The following TRPC1 variants were observed in gnomAD, a reference collection of about 807,000 sequenced individuals.
TRPC1 encodes the protein short transient receptor potential channel 1.
TRPC1 carries 42 observed loss-of-function variants against 88.2 expected under a neutral mutation model. The observed-to-expected ratio is 0.48, with a 90% CI of 0.37 to 0.62. TRPC1 has a LOEUF of 0.62. Ranked by LOEUF, TRPC1 falls within the 20% of genes least tolerant of loss-of-function variation. TRPC1 has a pLI of 0.00. For synonymous variants in TRPC1, 288 were observed against 331.8 expected (o/e 0.87, Z 1.43); for missense variants, 699 against 957.3 (o/e 0.73, Z 3.56).
At position 142,724,802 on chromosome 3, in the gene TRPC1, A is replaced by G; in HGVS notation, c.172+71A>G. ...ACCTTTAGTCCTCTCCCCCGCCTCA[A>G]CTTATATCGGGGCATTCCCTCTGTC... On this transcript the variant is annotated intron_variant, in intron 1 of 12. Transcript: ENST00000476941. This position sits in a 1 kb window ranked among gnomAD's most constrained non-coding sequence, Gnocchi z 5.6. 7 of 1,428,718 alleles carry G rather than the reference A, an allele frequency of 4.9e-6. No individual in the cohort carries two copies. Among genetic ancestry groups the G allele is most frequent in the Admixed American group, 2.5e-5 (1 of 39,332 alleles). The allele number at this position is 1,428,718 out of a possible 1,614,324, so 88.5% of individuals were successfully genotyped here.
rs761306009 is a variant in TRPC1, at chr3:142,803,970, T to C, written c.1758-7T>C. ...CCTTTTAAACAGAAATGCAATTGTC[T>C]TTACAGGTTCATTGGCACCTGCTTT... On this transcript the variant is annotated splice_region_variant and splice_polypyrimidine_tract_variant and intron_variant, in intron 10 of 12. Coordinates refer to ENST00000476941, the MANE Select transcript of TRPC1 (RefSeq NM_001251845.2). The C allele has an allele frequency of 6.2e-7, 1 of 1,612,966 alleles. No homozygotes were observed.
chr3:142,759,659 C>T (rs1935111261), intron 4 of TRPC1, among the ~76,000 whole-genome samples: 1 of 152,142 alleles, frequency 6.6e-6, no homozygotes, highest in African/African-American at 2.4e-5. Flanking sequence ...GTTGTAGTTT[C>T]TTTTGCTGTG....
chr3:142,790,358 TGGGATTTAA>T (rs1433842798), intron 7 of TRPC1, among the ~76,000 whole-genome samples: 1 of 152,048 alleles, frequency 6.6e-6, no homozygotes, highest in Non-Finnish European at 1.5e-5. Flanking sequence ...CTGAGTAAAA[TGGGATTTAA>T]GGGAGGGTGC....
At chr3:142,757,495 G>C (rs1457485249) in intron 4 of TRPC1, among the ~76,000 whole-genome samples, 4 of 152,204 alleles carry the variant, frequency 2.6e-5, no homozygotes, top group Non-Finnish European at 1.5e-5. Context: ...CATGTCCTTT[G>C]TGGGGACATG....
intron 4 of TRPC1, 91 bp from the exon 5 acceptor site, chr3:142,777,541 T>A: frequency 1.3e-6 from 1 of 768,230 alleles, no homozygotes; most frequent in Non-Finnish European, 1.8e-6. Context: ...TTTATAATAT[T>A]TTAAGTATAC....
chr3:142,771,780 C>T (rs1260349617), intron 4 of TRPC1, among the ~76,000 whole-genome samples: 1 of 152,054 alleles, frequency 6.6e-6, no homozygotes, highest in African/African-American at 2.4e-5. Context: ...AAATATTATT[C>T]TATATAATTG....
At chr3:142,773,581 GT>G (rs74269488) in intron 4 of TRPC1, among the ~76,000 whole-genome samples, 22,386 of 132,258 alleles carry the variant, frequency 0.17, 1,926 homozygotes, top group Non-Finnish European at 0.21. Context: ...TCTGCAGGCA[GT>G]TTTTTTTTTT....
intron 9 of TRPC1, among the ~76,000 whole-genome samples, chr3:142,795,717 T>C (rs1322984087): frequency 6.6e-6 from 1 of 152,072 alleles, no homozygotes; most frequent in African/African-American, 2.4e-5. Context: ...GGAACGTTAA[T>C]AGAAGTCCTT....
At position 142,780,823 on chromosome 3, in the gene TRPC1, G is replaced by C. The variant is rs762220641; in HGVS notation, c.765-11G>C. Reference sequence around the variant, plus strand: ...ACGACGTTTCTGATAATAGAATGCTGCATTTTATAGGAATGATTATGAGGA... The same window carrying C: ...ACGACGTTTCTGATAATAGAATGCTCCATTTTATAGGAATGATTATGAGGA... On this transcript the variant is annotated splice_polypyrimidine_tract_variant and intron_variant, in intron 5 of 12. Transcript: ENST00000476941. 1.3e-6 allele frequency: 2 copies of C among 1,585,802 alleles called. No individual in the cohort carries two copies. The highest frequency in any genetic ancestry group is 2.3e-5 in the East Asian group (1 of 44,164).
chr3:142,741,453 T>C (rs1934346386), intron 2 of TRPC1, among the ~76,000 whole-genome samples: 1 of 152,238 alleles, frequency 6.6e-6, no homozygotes, highest in Non-Finnish European at 1.5e-5. Context: ...GTAATTATTT[T>C]ACTTTGCTTC....
chr3:142,744,008 C>G (rs1022564188), intron 3 of TRPC1, among the ~76,000 whole-genome samples: 3 of 151,996 alleles, frequency 2.0e-5, no homozygotes, highest in Admixed American at 2.0e-4. Context: ...ACAGTTTTTG[C>G]TGTTAAAAAA....
intron 3 of TRPC1, among the ~76,000 whole-genome samples, chr3:142,744,780 T>C (rs1183187808): frequency 1.3e-5 from 2 of 152,198 alleles, no homozygotes; most frequent in South Asian, 2.1e-4. Context: ...GCTTTTGTAA[T>C]TAGGAGGATA....
chr3:142,796,349 T>A (rs942423300), intron 9 of TRPC1, among the ~76,000 whole-genome samples: 5 of 152,250 alleles, frequency 3.3e-5, no homozygotes, highest in South Asian at 4.1e-4. Context: ...TACAGTTTTT[T>A]AAAAAGTTAT....
chr3:142,798,319 C>T lies in TRPC1; in HGVS notation c.1582-3850C>T, dbSNP rs191524931. Reference sequence around the variant, plus strand: ...ATTATTCAACATTTTAATTAATGCACTGGGCTCTGGAGCTTACTAAGACAT... The same window carrying T: ...ATTATTCAACATTTTAATTAATGCATTGGGCTCTGGAGCTTACTAAGACAT... On this transcript the variant is annotated intron_variant, in intron 9 of 12. Coordinates refer to ENST00000476941, the MANE Select transcript of TRPC1 (RefSeq NM_001251845.2). Among the ~76,000 whole-genome samples the T allele has an allele frequency of 2.0e-5, 3 of 152,120 alleles. No homozygotes were observed. In the East Asian group the frequency reaches 5.8e-4, roughly 29 times the overall value.
intron 1 of TRPC1, among the ~76,000 whole-genome samples, chr3:142,725,372 G>T (rs9877174): frequency 0.028 from 4,316 of 152,248 alleles, 221 homozygotes; most frequent in African/African-American, 0.099. Context: ...GAACGCCTTT[G>T]ATTGTTAGTG....
At chr3:142,745,218 A>C (rs1364075114) in intron 3 of TRPC1, among the ~76,000 whole-genome samples, 6 of 152,270 alleles carry the variant, frequency 3.9e-5, no homozygotes, top group Admixed American at 2.6e-4. Context: ...TCTTGCAGTT[A>C]TTATTATATT....
chr3:142,787,537 G>A (rs1385252127), intron 7 of TRPC1, among the ~76,000 whole-genome samples: 1 of 152,144 alleles, frequency 6.6e-6, no homozygotes, highest in Non-Finnish European at 1.5e-5. Flanking sequence ...AATATTAATG[G>A]TATCCTTTTA....
chr3:142,807,586 TG>T lies in TRPC1; in HGVS notation c.*1352del, dbSNP rs1361036173. On this transcript the variant is annotated 3_prime_UTR_variant, in exon 13 of 13. Coordinates refer to ENST00000476941, the MANE Select transcript of TRPC1 (RefSeq NM_001251845.2). The stretch of plus-strand genomic sequence containing the variant: ...ATTGTCTAAATAGGTTACTATTGTT[TG>T]TTTCATCTTGCTTTTGCATTTTTAT... 3 of 152,228 alleles carry T rather than the reference TG, an allele frequency of 2.0e-5. No individual in the cohort carries two copies. Among genetic ancestry groups the T allele is most frequent in the African/African-American group, 4.8e-5 (2 of 41,468 alleles). 9.4% of individuals were successfully genotyped at this position (152,228 alleles called of 1,614,324 possible). A position where few individuals can be genotyped will look rare whatever the true frequency, so the allele number is the denominator to read the frequency against.
chr3:142,755,789 T>A (rs990555792), intron 4 of TRPC1, among the ~76,000 whole-genome samples: 1 of 152,234 alleles, frequency 6.6e-6, no homozygotes, highest in Non-Finnish European at 1.5e-5. Context: ...AAAAGGCTTT[T>A]TTTACAGTGT....
Sources: gnomAD v4.1 joint callset for allele counts (sites outside exome capture counted in the v4.1 genomes callset) on GRCh38, gnomAD v4.1.1 for gene constraint, Gnocchi (gnomAD v3.1) non-coding constraint, MANE v1.5 for transcripts, NCBI Gene and HGNC (gene_info 2026-07-23, HGNC 2026-07-21) for gene names.